MINDY4: variants seen among roughly 807,000 people sequenced by gnomAD.
The protein encoded by MINDY4 is MINDY lysine 48 deubiquitinase 4.
MINDY4 carries 68 observed loss-of-function variants against 87.0 expected under a neutral mutation model. The observed-to-expected ratio is 0.78, with a 90% CI of 0.64 to 0.96. MINDY4 has a LOEUF of 0.96. Among genes scored for constraint, MINDY4 ranks in the 40% least tolerant of loss-of-function variants. MINDY4 has a pLI of 0.00. For synonymous variants in MINDY4, 379 were observed against 363.2 expected (o/e 1.04, Z -0.50); for missense variants, 919 against 928.2 (o/e 0.99, Z 0.13).
At chr7:30,800,228 TG>T (rs1787606569) in intron 5 of MINDY4, among the ~76,000 whole-genome samples, 1 of 152,136 alleles carries the variant, frequency 6.6e-6, no homozygotes, top group Non-Finnish European at 1.5e-5. Flanking sequence ...AAAGATAAAC[TG>T]CAAAGCCTGT....
At chr7:30,875,139 A>C (rs1488218728) in intron 14 of MINDY4, among the ~76,000 whole-genome samples, 1 of 152,188 alleles carries the variant, frequency 6.6e-6, no homozygotes, top group Non-Finnish European at 1.5e-5. Flanking sequence ...ATGTGCAGAC[A>C]TGCACCTGAC....
At chr7:30,789,852 C>T (rs1192351940) in intron 4 of MINDY4, among the ~76,000 whole-genome samples, 1 of 152,206 alleles carries the variant, frequency 6.6e-6, no homozygotes, top group Non-Finnish European at 1.5e-5. Context: ...CCCATTTCCT[C>T]TACTCATCTT....
At chr7:30,865,541 C>T (rs1584334107) in intron 13 of MINDY4, among the ~76,000 whole-genome samples, 1 of 152,244 alleles carries the variant, frequency 6.6e-6, no homozygotes, top group African/African-American at 2.4e-5. Flanking sequence ...CCTTTGTCCC[C>T]AGGCCCCTTT....
Position 30,892,277 on chromosome 7 carries a change from T to C in MINDY4, c.*272T>C, listed in dbSNP as rs1790812408. The C allele has an allele frequency of 2.2e-6, 1 of 461,184 alleles. No individual in the cohort carries two copies. Among genetic ancestry groups the C allele is most frequent in the Non-Finnish European group, 3.9e-6 (1 of 257,610 alleles). The allele number at this position is 461,184 out of a possible 1,614,324, so 28.6% of individuals were successfully genotyped here. On this transcript the variant is annotated 3_prime_UTR_variant, in exon 18 of 18. Coordinates refer to ENST00000265299, the MANE Select transcript of MINDY4 (RefSeq NM_032222.3). Reference sequence around the variant, plus strand: ...AGGGTCTCTGCTACCTTTGTCTGCATCCCTCCCTTGCTCCCTGCTGGGTGG... The same window carrying C: ...AGGGTCTCTGCTACCTTTGTCTGCACCCCTCCCTTGCTCCCTGCTGGGTGG...
chr7:30,801,987 G>A (rs879942666), intron 5 of MINDY4, among the ~76,000 whole-genome samples: 11 of 152,136 alleles, frequency 7.2e-5, no homozygotes, highest in African/African-American at 2.7e-4. Flanking sequence ...CTGGGATACA[G>A]GCTGGGAAGA....
chr7:30,787,062 A>G (rs922518682), intron 4 of MINDY4, among the ~76,000 whole-genome samples: 2 of 152,206 alleles, frequency 1.3e-5, no homozygotes, highest in African/African-American at 4.8e-5. Flanking sequence ...ATTTGGAATT[A>G]GGATGGAAAG....
At position 30,791,149 on chromosome 7, in the gene MINDY4, T is replaced by C. The variant is rs756854167; in HGVS notation, c.664-16T>C. Reference sequence around the variant, plus strand: ...CCTCAAAGGGTCCTCACTGCTTTTGTCCTTACTCCCTTTAGGATTCTTTTC... The same window carrying C: ...CCTCAAAGGGTCCTCACTGCTTTTGCCCTTACTCCCTTTAGGATTCTTTTC... On this transcript the variant is annotated splice_polypyrimidine_tract_variant and intron_variant, in intron 4 of 17. Transcript: ENST00000265299. The C allele has an allele frequency of 6.3e-7, 1 of 1,588,432 alleles. No homozygotes were observed. The highest frequency in any genetic ancestry group is 8.6e-7 in the Non-Finnish European group (1 of 1,163,448).
At chr7:30,773,037 G>GT (rs1345853557) in intron 1 of MINDY4, among the ~76,000 whole-genome samples, 1 of 151,920 alleles carries the variant, frequency 6.6e-6, no homozygotes. Flanking sequence ...TCCCTCGCAT[G>GT]TTTTATCTGG....
chr7:30,852,090 C>A, intron 10 of MINDY4, 126 bp from the exon 11 acceptor site: 1 of 1,059,480 alleles, frequency 9.4e-7, no homozygotes, highest in Non-Finnish European at 1.4e-6. Flanking sequence ...AAACTCTTGG[C>A]TCCATTTTCT....
At chr7:30,866,061 A>C (rs971575621) in intron 13 of MINDY4, among the ~76,000 whole-genome samples, 1 of 152,190 alleles carries the variant, frequency 6.6e-6, no homozygotes, top group Non-Finnish European at 1.5e-5. Context: ...TGAGATGGCA[A>C]GTCACAGCCA....
At position 30,791,358 on chromosome 7, in the gene MINDY4, C is replaced by G; in HGVS notation, c.857C>G (p.Thr286Ser). The G allele has an allele frequency of 6.2e-7, 1 of 1,614,186 alleles. No individual in the cohort carries two copies. Among genetic ancestry groups the G allele is most frequent in the Non-Finnish European group, 8.5e-7 (1 of 1,180,018 alleles). ...CTGACCGTAGAAAGGCAGAAAACCACTGCCAGCAGCCCTCCCCATCTGCCC... is the reference window on the plus strand; with the variant it reads ...CTGACCGTAGAAAGGCAGAAAACCAGTGCCAGCAGCCCTCCCCATCTGCCC... Reference protein sequence around the residue: ...SELTVERQKTTASSPPHLPSK... With the variant: ...SELTVERQKTSASSPPHLPSK... Residue 286 changes from threonine to serine, a missense_variant, in exon 5 of 18, where the codon ACT becomes AGT. By Grantham distance (58) the Thr-to-Ser change is moderately conservative. Transcript: ENST00000265299.
intron 2 of MINDY4, among the ~76,000 whole-genome samples, chr7:30,779,116 A>G (rs1470713793): frequency 1.3e-5 from 2 of 151,894 alleles, no homozygotes; most frequent in African/African-American, 2.4e-5. Flanking sequence ...ATCTCCCCCA[A>G]CCTGCTATTA....
intron 15 of MINDY4, among the ~76,000 whole-genome samples, chr7:30,879,506 C>T (rs1451734776): frequency 1.3e-5 from 2 of 152,248 alleles, no homozygotes; most frequent in Admixed American, 6.5e-5. Context: ...TCACCACCCC[C>T]AATGCCCTGC....
chr7:30,835,710 C>A (rs964512948), intron 6 of MINDY4, among the ~76,000 whole-genome samples: 20 of 152,220 alleles, frequency 1.3e-4, no homozygotes, highest in Non-Finnish European at 2.8e-4. Flanking sequence ...CTGGCAGGCC[C>A]CTCTAGGGAG....
At chr7:30,775,294 C>A (rs891472118) in intron 1 of MINDY4, among the ~76,000 whole-genome samples, 1 of 150,424 alleles carries the variant, frequency 6.6e-6, no homozygotes, top group Non-Finnish European at 1.5e-5. Context: ...GTTCCCACAA[C>A]CCCCTCCACA....
At chr7:30,869,960 C>G (rs1236984166) in intron 13 of MINDY4, among the ~76,000 whole-genome samples, 6 of 152,184 alleles carry the variant, frequency 3.9e-5, no homozygotes, top group African/African-American at 1.4e-4. Context: ...TTCCCCTATT[C>G]CCCTAGAGGG....
intron 5 of MINDY4, 77 bp from the exon 6 acceptor site, chr7:30,828,602 C>T (rs968390828): frequency 5.4e-5 from 79 of 1,455,044 alleles, no homozygotes; most frequent in African/African-American, 2.1e-4. Flanking sequence ...GCCTATCCAT[C>T]GCTCTTAACA....
intron 3 of MINDY4, 118 bp from the exon 4 acceptor site, chr7:30,785,631 G>A: frequency 8.0e-7 from 1 of 1,242,764 alleles, no homozygotes; most frequent in Non-Finnish European, 1.1e-6. Flanking sequence ...CTGGTTAGAA[G>A]TCATCATAGA....
At chr7:30,891,423 C>CAAAACA (rs1562569550) in intron 17 of MINDY4, among the ~76,000 whole-genome samples, 1 of 151,996 alleles carries the variant, frequency 6.6e-6, no homozygotes, top group African/African-American at 2.4e-5. Flanking sequence ...CAAAACAAAA[C>CAAAACA]AAAAAACTGT....
Sources: gnomAD v4.1 joint callset for allele counts (sites outside exome capture counted in the v4.1 genomes callset) on GRCh38, gnomAD v4.1.1 for gene constraint, MANE v1.5 for transcripts, NCBI Gene and HGNC (gene_info 2026-07-23, HGNC 2026-07-21) for gene names.